RP1L1: variants seen among roughly 807,000 people sequenced by gnomAD.
RP1L1 encodes the protein retinitis pigmentosa 1-like 1 protein.
RP1L1 carries 27 observed loss-of-function variants against 15.7 expected under a neutral mutation model. The observed-to-expected ratio is 1.72, with a 90% CI of 1.27 to 2.38. The LOEUF (loss-of-function observed/expected upper bound fraction) is 2.38, where lower values mean the gene tolerates loss of function less well. Ranked by LOEUF, RP1L1 falls within the 30% of genes most tolerant of loss-of-function variation. RP1L1 has a pLI of 0.00. For synonymous variants in RP1L1, 1,813 were observed against 1,276.7 expected (o/e 1.42, Z -8.96); for missense variants, 4,798 against 3,075.9 (o/e 1.56, Z -13.24).
chr8:10,635,638 T>C (rs1798317887), intron 1 of RP1L1, among the ~76,000 whole-genome samples: 1 of 152,192 alleles, frequency 6.6e-6, no homozygotes, highest in Non-Finnish European at 1.5e-5. Flanking sequence ...GCCCAGAGCC[T>C]CCATTTTCTC....
rs760153420 is a variant in RP1L1 at position 10,612,773 on chromosome 8, G to A, written c.1325C>T (p.Thr442Ile). The change falls in exon 4 of 4, where the codon ACT (threonine) becomes ATT (isoleucine). Residue 442 changes from threonine (T) to isoleucine (I), a missense_variant. Thr to Ile is a moderately conservative substitution (Grantham distance 89). Transcript: ENST00000382483. The part of the protein sequence containing the change: ...VRCSGLWGHG[T>I]AGRERCSQDS... ...CTGGCTGCATCTCTCCCTCCCGGCA[G>A]TCCCGTGGCCCCACAGGCCACTGCA... 1.2e-6 allele frequency: 2 copies of A among 1,609,750 alleles called. No individual in the cohort carries two copies. Among genetic ancestry groups the A allele is most frequent in the Non-Finnish European group, 1.7e-6 (2 of 1,179,938 alleles).
intron 1 of RP1L1, among the ~76,000 whole-genome samples, chr8:10,641,654 A>G (rs1798409762): frequency 6.6e-6 from 1 of 152,226 alleles, no homozygotes; most frequent in Non-Finnish European, 1.5e-5. Context: ...GAGCACTTGC[A>G]ATCTTGGACA....
intron 2 of RP1L1, 117 bp from the exon 3 acceptor site, chr8:10,616,704 C>T: frequency 8.5e-7 from 1 of 1,181,632 alleles, no homozygotes; most frequent in East Asian, 2.6e-5. Flanking sequence ...GCACATCTCA[C>T]CCCAGACTCC....
chr8:10,608,712 C>T lies in RP1L1; in HGVS notation c.5386G>A (p.Gly1796Ser). 1.2e-6 allele frequency: 2 copies of T among 1,614,206 alleles called. No individual in the cohort carries two copies. The highest frequency in any genetic ancestry group is 1.7e-6 in the Non-Finnish European group (2 of 1,180,052). The change falls in exon 4 of 4, where the codon GGC becomes AGC. Residue 1796 changes from glycine (G) to serine (S), a missense_variant. Gly to Ser is a moderately conservative substitution (Grantham distance 56, BLOSUM62 0). Transcript: ENST00000382483. Reference sequence around the variant, plus strand: ...CCAGTTTCTCCCCTTTCACTTATGCCCTCTCCCTCCTGCTCAGCTTCCCCC... The same window carrying T: ...CCAGTTTCTCCCCTTTCACTTATGCTCTCTCCCTCCTGCTCAGCTTCCCCC... ...ELGEAEQEGE[G>S]ISERGETGGQ...
Position 10,607,437 on chromosome 8 carries a change from C to T in RP1L1, c.6661G>A (p.Ala2221Thr). 6.2e-7 allele frequency: 1 copy of T among 1,613,792 alleles called. No individual in the cohort carries two copies. The highest frequency in any genetic ancestry group is 8.5e-7 in the Non-Finnish European group (1 of 1,179,930). ...GVEAPEAEEE[A>T]QPEPEGVETP... is the part of the protein sequence containing the mutation. ...TCTACGCCTTCTGGCTCTGGCTGGG[C>T]CTCCTCTTCAGCCTCCGGGGCCTCT... The change falls in exon 4 of 4, where the codon GCC becomes ACC. Residue 2221 changes from alanine (A) to threonine (T), a missense_variant. Transcript: ENST00000382483.
intron 1 of RP1L1, among the ~76,000 whole-genome samples, chr8:10,652,857 G>A (rs939003574): frequency 1.3e-5 from 2 of 152,080 alleles, no homozygotes; most frequent in Non-Finnish European, 2.9e-5. Flanking sequence ...AGTGCCTAGT[G>A]GAGCTCTGAA....
In RP1L1 at chr8:10,612,230, C is replaced by G. The variant is rs1397176390; in HGVS notation, c.1868G>C (p.Gly623Ala). 2 of 1,613,090 alleles carry G rather than the reference C, an allele frequency of 1.2e-6. No homozygotes were observed. Among genetic ancestry groups the G allele is most frequent in the Non-Finnish European group, 1.7e-6 (2 of 1,179,992 alleles). Residue 623 changes from glycine to alanine, a missense_variant, in exon 4 of 4, where the codon GGA (glycine) becomes GCA (alanine). By Grantham distance (60) the Gly-to-Ala change is moderately conservative. Transcript: ENST00000382483. ...LGLSCSWDSEGASSTPSTCTS... is the reference protein window; with the variant it reads ...LGLSCSWDSEAASSTPSTCTS... ...GCAGGTGGAAGGGGTGGAAGAGGCT[C>G]CTTCCGAGTCCCAGGAGCAGGAAAG...
At chr8:10,640,692 T>C (rs544473208) in intron 1 of RP1L1, among the ~76,000 whole-genome samples, 109 of 151,562 alleles carry the variant, frequency 7.2e-4, no homozygotes, top group African/African-American at 2.4e-3. Flanking sequence ...TATTTTATTA[T>C]TATTATCATC....
In RP1L1 at chr8:10,612,550, C is replaced by T. The variant is rs1267095620; in HGVS notation, c.1548G>A (p.Glu516=). The T allele has an allele frequency of 6.2e-7, 1 of 1,609,280 alleles. No individual in the cohort carries two copies. Among genetic ancestry groups the T allele is most frequent in the Middle Eastern group, 1.7e-4 (1 of 6,058 alleles). ...CCCTCGGTGTCAGGCGGCCGCCTTG[C>T]TCTGGGCCGCCCAGCCCTGCTCCAT... ...CIDGAGLGGP[E]QGGRLTPRAR... The change falls in exon 4 of 4, where the codon GAG becomes GAA. Residue 516 remains glutamate (E), a synonymous_variant. Coordinates refer to ENST00000382483, the MANE Select transcript of RP1L1 (RefSeq NM_178857.6).
At chr8:10,616,134 C>A (rs888151427) in intron 3 of RP1L1, among the ~76,000 whole-genome samples, 1 of 152,194 alleles carries the variant, frequency 6.6e-6, no homozygotes, top group South Asian at 2.1e-4. Context: ...GTGTCCAACT[C>A]CTAGACTCAA....
In RP1L1 at chr8:10,612,728, G is replaced by C. The variant is rs773908735; in HGVS notation, c.1370C>G (p.Ser457Cys). 3 of 1,606,238 alleles carry C rather than the reference G, an allele frequency of 1.9e-6. No homozygotes were observed. In the African/African-American group the frequency reaches 4.0e-5, roughly 21 times the overall value. ...RCSQDSASPASSTGLPEGSEP... is the reference protein window; with the variant it reads ...RCSQDSASPACSTGLPEGSEP... ...CGAGCCCTCGGGGAGGCCGGTGCTG[G>C]AGGCTGGGCTGGCACTGTCCTGGCT... The change falls in exon 4 of 4, where the codon TCC becomes TGC. Residue 457 changes from serine to cysteine, a missense_variant. Ser to Cys is a moderately radical substitution (Grantham distance 112, BLOSUM62 -1). Coordinates refer to ENST00000382483, the MANE Select transcript of RP1L1 (RefSeq NM_178857.6).
chr8:10,652,677 A>C (rs1215724828), intron 1 of RP1L1, among the ~76,000 whole-genome samples: 2 of 151,876 alleles, frequency 1.3e-5, no homozygotes, highest in Non-Finnish European at 2.9e-5. Context: ...GAAGAAAAAA[A>C]AAAACCTTTC....
chr8:10,631,386 TGCACACACAC>T lies in RP1L1; in HGVS notation c.-19-8176_-19-8167del, dbSNP rs1158041324. Among the ~76,000 whole-genome samples the T allele has an allele frequency of 9.8e-4, 70 of 71,296 alleles. 1 individual carries two copies. Among genetic ancestry groups the T allele is most frequent in the African/African-American group, 3.6e-3 (64 of 17,736 alleles). The allele number at this position is 71,296 out of a possible 152,430, so 46.8% of individuals were successfully genotyped here. ...AAACACACATGCACACAAACACACA[TGCACACACAC>T]GCACACACACGCACACACGCACACA... On this transcript the variant is annotated intron_variant, in intron 1 of 3. Coordinates refer to ENST00000382483, the MANE Select transcript of RP1L1 (RefSeq NM_178857.6).
At position 10,622,635 on chromosome 8, in the gene RP1L1, C is replaced by G. The variant is rs1429966749; in HGVS notation, c.567G>C (p.Leu189=). 1.2e-6 allele frequency: 2 copies of G among 1,614,108 alleles called. No homozygotes were observed. Among genetic ancestry groups the G allele is most frequent in the Non-Finnish European group, 1.7e-6 (2 of 1,180,046 alleles). The change falls in exon 2 of 4, where the codon CTG becomes CTC. Residue 189 remains leucine (L), a synonymous_variant. Coordinates refer to ENST00000382483, the MANE Select transcript of RP1L1 (RefSeq NM_178857.6). Reference sequence around the variant, plus strand: ...TGTACAACTGCTTCACAGGAAAGCGCAGGAGATCTGAGGCTTTGCCGAGAA... The same window carrying G: ...TGTACAACTGCTTCACAGGAAAGCGGAGGAGATCTGAGGCTTTGCCGAGAA... ...AAFLGKASDL[L]RFPVKQLYTT... is the part of the protein sequence containing the mutation.
intron 2 of RP1L1, chr8:10,621,807 T>G (rs2117223723): frequency 2.0e-6 from 1 of 488,524 alleles, no homozygotes. Context: ...CGCATGTCCT[T>G]GAACTCAATA....
intron 1 of RP1L1, among the ~76,000 whole-genome samples, chr8:10,650,606 G>C (rs560573338): frequency 2.0e-5 from 3 of 151,580 alleles, no homozygotes; most frequent in East Asian, 1.9e-4. Context: ...GTCCAGGCTG[G>C]AGTGCAGTGG....
rs376754630 is a variant in RP1L1 at position 10,610,211 on chromosome 8, G to C, written c.3887C>G (p.Thr1296Arg). 42 of 1,415,404 alleles carry C rather than the reference G, an allele frequency of 3.0e-5. No individual in the cohort carries two copies. The highest frequency in any genetic ancestry group is 3.7e-5 in the Non-Finnish European group (39 of 1,054,242). 87.7% of individuals were successfully genotyped at this position (1,415,404 alleles called of 1,614,324 possible). Residue 1296 changes from threonine to arginine, a missense_variant, in exon 4 of 4, where the codon ACA becomes AGA. Physicochemically the swap from Thr to Arg is moderately conservative, Grantham distance 71 (BLOSUM62 -1). Coordinates refer to ENST00000382483, the MANE Select transcript of RP1L1 (RefSeq NM_178857.6). ...CTCTAATTGCACCTCTTCTTGCACT[G>C]TGTTTTCAGCTAACTGCTCCAGGTT... Reference protein sequence around the residue: ...SSNLEQLAENTVQEEVQLEET... With the variant: ...SSNLEQLAENRVQEEVQLEET...
chr8:10,641,257 T>C (rs1798402017), intron 1 of RP1L1, among the ~76,000 whole-genome samples: 1 of 152,192 alleles, frequency 6.6e-6, no homozygotes, highest in African/African-American at 2.4e-5. Flanking sequence ...GACATGTGTG[T>C]CACTACCATG....
chr8:10,627,249 A>G (rs1360230412), intron 1 of RP1L1, among the ~76,000 whole-genome samples: 2 of 152,194 alleles, frequency 1.3e-5, no homozygotes, highest in Non-Finnish European at 2.9e-5. Context: ...TCATCCGCGG[A>G]TGAACAGATT....
Sources: gnomAD v4.1 joint callset for allele counts (sites outside exome capture counted in the v4.1 genomes callset) on GRCh38, gnomAD v4.1.1 for gene constraint, MANE v1.5 for transcripts, NCBI Gene and HGNC (gene_info 2026-07-23, HGNC 2026-07-21) for gene names.